Variants in ADAMTS17 observed in about 807,000 individuals in gnomAD.
The protein encoded by ADAMTS17 is A disintegrin and metalloproteinase with thrombospondin motifs 17.
ADAMTS17 carries 113 observed loss-of-function variants against 141.5 expected under a neutral mutation model. The observed-to-expected ratio is 0.80, with a 90% CI of 0.69 to 0.93. ADAMTS17 has a LOEUF of 0.93. Ranked by LOEUF, ADAMTS17 falls within the 40% of genes least tolerant of loss-of-function variation. The pLI, the probability that ADAMTS17 is intolerant of heterozygous loss-of-function variation, is 0.00. For synonymous variants in ADAMTS17, 768 were observed against 630.6 expected, an observed-to-expected ratio of 1.22 and a Z score of -3.27; for missense variants, 1,659 against 1,517.9, an observed-to-expected ratio of 1.09 and a Z score of -1.54.
chr15:100,300,565 GC>G (rs1048358826), intron 3 of ADAMTS17, among the ~76,000 whole-genome samples: 3 of 152,234 alleles, frequency 2.0e-5, no homozygotes, highest in African/African-American at 7.2e-5. Context: ...GCTTCCACGT[GC>G]AAAGGAGCCT....
chr15:100,035,954 C>A (rs1315784260), intron 18 of ADAMTS17, among the ~76,000 whole-genome samples: 1 of 152,096 alleles, frequency 6.6e-6, no homozygotes, highest in Non-Finnish European at 1.5e-5. Context: ...ATAGGGGGTC[C>A]CGTCCAGGCT....
intron 18 of ADAMTS17, among the ~76,000 whole-genome samples, chr15:100,034,636 C>G (rs1779568328): frequency 6.6e-6 from 1 of 152,236 alleles, no homozygotes; most frequent in South Asian, 2.1e-4. Flanking sequence ...CAGTCCCAGA[C>G]AGTCCACTTG....
At chr15:100,131,610 C>T (rs1452062328) in intron 12 of ADAMTS17, among the ~76,000 whole-genome samples, 4 of 152,186 alleles carry the variant, frequency 2.6e-5, no homozygotes, top group Admixed American at 6.5e-5. Context: ...AGGAAGACAG[C>T]TGCACCCAGA....
At chr15:100,054,113 G>A (rs2032366446) in intron 15 of ADAMTS17, 59 bp from the exon 16 acceptor site, 1 of 1,597,282 alleles carries the variant, frequency 6.3e-7, no homozygotes, top group African/African-American at 1.3e-5. Context: ...GATCCAGCCT[G>A]TCTTTAAACG....
chr15:100,079,248 A>G (rs992924851), intron 15 of ADAMTS17, among the ~76,000 whole-genome samples: 1 of 152,248 alleles, frequency 6.6e-6, no homozygotes, highest in Non-Finnish European at 1.5e-5. Context: ...ACTCGTACAC[A>G]AAAGTTTATA....
intron 3 of ADAMTS17, among the ~76,000 whole-genome samples, chr15:100,309,756 C>T (rs879421194): frequency 6.6e-6 from 1 of 152,216 alleles, no homozygotes; most frequent in Non-Finnish European, 1.5e-5. Context: ...GACCTCTTTC[C>T]TCCTCTCCTC....
At chr15:100,033,320 T>C (rs2030368391) in intron 18 of ADAMTS17, among the ~76,000 whole-genome samples, 2 of 152,218 alleles carry the variant, frequency 1.3e-5, no homozygotes, top group African/African-American at 4.8e-5. Context: ...AAAAAAACTC[T>C]CATGCTTTGA....
At chr15:100,078,157 G>C (rs2034504053) in intron 15 of ADAMTS17, among the ~76,000 whole-genome samples, 1 of 150,956 alleles carries the variant, frequency 6.6e-6, no homozygotes, top group Non-Finnish European at 1.5e-5. Flanking sequence ...TGTAAAAAAT[G>C]TAACTGCTTC....
intron 15 of ADAMTS17, among the ~76,000 whole-genome samples, chr15:100,096,011 G>A (rs891997975): frequency 1.3e-5 from 2 of 152,196 alleles, no homozygotes; most frequent in South Asian, 2.1e-4. Flanking sequence ...CAGGTAAAAT[G>A]ATTTGGCAGG....
intron 18 of ADAMTS17, among the ~76,000 whole-genome samples, chr15:100,045,942 G>A (rs2031646926): frequency 6.6e-6 from 1 of 152,116 alleles, no homozygotes; most frequent in Non-Finnish European, 1.5e-5. Context: ...GTGCAGTGGT[G>A]TGATCTCAGC....
rs2035759440 is a variant in ADAMTS17, at chr15:100,096,403, T to C, written c.2090A>G (p.Lys697Arg). Residue 697 changes from lysine to arginine, a missense_variant, in exon 15 of 22, where the codon AAG (lysine) becomes AGG (arginine). Transcript: ENST00000268070. ...GTCGCCCTTCACCAAGTGGCAGGTCTTGCCGTCCCCGCTGCAGACCCCGCA... is the reference window on the plus strand; with the variant it reads ...GTCGCCCTTCACCAAGTGGCAGGTCCTGCCGTCCCCGCTGCAGACCCCGCA... Reference protein sequence around the residue: ...DRCGVCSGDGKTCHLVKGDFS... With the variant: ...DRCGVCSGDGRTCHLVKGDFS... 6.2e-7 allele frequency: 1 copy of C among 1,614,046 alleles called. No homozygotes were observed. Among genetic ancestry groups the C allele is most frequent in the Admixed American group, 1.7e-5 (1 of 60,010 alleles).
At chr15:100,038,409 G>T (rs924939149) in intron 18 of ADAMTS17, among the ~76,000 whole-genome samples, 2 of 152,144 alleles carry the variant, frequency 1.3e-5, no homozygotes, top group African/African-American at 4.8e-5. Flanking sequence ...AAGAAAGATG[G>T]CTTAAATTTT....
intron 12 of ADAMTS17, among the ~76,000 whole-genome samples, chr15:100,130,168 C>T (rs555902904): frequency 6.6e-6 from 1 of 152,128 alleles, no homozygotes; most frequent in East Asian, 1.9e-4. Context: ...AGTTCAAGAC[C>T]AGCCTGGCAA....
intron 8 of ADAMTS17, among the ~76,000 whole-genome samples, chr15:100,173,380 C>T (rs1162817085): frequency 6.6e-6 from 1 of 152,102 alleles, no homozygotes; most frequent in Non-Finnish European, 1.5e-5. Context: ...CGATTTACAA[C>T]CCAAAGTATG....
At chr15:100,143,593 G>A (rs180972201) in intron 10 of ADAMTS17, among the ~76,000 whole-genome samples, 2 of 152,240 alleles carry the variant, frequency 1.3e-5, no homozygotes, top group African/African-American at 4.8e-5. Context: ...ACAAATGCCA[G>A]TTGTTGATGC....
intron 1 of ADAMTS17, among the ~76,000 whole-genome samples, 162 bp from the exon 2 acceptor site, chr15:100,341,571 G>T (rs1003469652): frequency 4.0e-5 from 6 of 149,282 alleles, no homozygotes; most frequent in African/African-American, 1.5e-4. Flanking sequence ...GCCACCCGGG[G>T]AGGGTCTCCG....
intron 8 of ADAMTS17, among the ~76,000 whole-genome samples, chr15:100,192,028 C>A (rs117134386): frequency 0.014 from 2,100 of 152,230 alleles, 45 homozygotes; most frequent in Non-Finnish European, 0.016. Flanking sequence ...CTACTATATA[C>A]CCATAAAAAT....
chr15:100,280,493 G>A (rs769946806), intron 4 of ADAMTS17, among the ~76,000 whole-genome samples: 11 of 151,954 alleles, frequency 7.2e-5, no homozygotes, highest in Non-Finnish European at 5.9e-5. Context: ...CATCAACCTC[G>A]GCACACTGCT....
chr15:100,235,240 C>T (rs1180958296), intron 7 of ADAMTS17, among the ~76,000 whole-genome samples: 5 of 152,150 alleles, frequency 3.3e-5, no homozygotes, highest in South Asian at 2.1e-4. Flanking sequence ...AAAAGCCATG[C>T]GTCATGCTTG....
Sources: allele counts gnomAD v4.1 joint callset (sites outside exome capture counted in the v4.1 genomes callset), GRCh38; gene constraint gnomAD v4.1.1; transcripts MANE v1.5; gene names NCBI Gene and HGNC (gene_info 2026-07-23, HGNC 2026-07-21).